RXRA: variants seen among roughly 807,000 people sequenced by gnomAD.
RXRA encodes the protein retinoid X receptor alpha.
RXRA carries 5 observed loss-of-function variants against 44.5 expected under a neutral mutation model. The observed-to-expected ratio is 0.11, with a 90% confidence interval of 0.06 to 0.24. The LOEUF is 0.24. Ranked by LOEUF, RXRA falls within the 10% of genes least tolerant of loss-of-function variation. RXRA has a pLI of 1.00. For missense variants in RXRA, 412 were observed against 646.5 expected, an observed-to-expected ratio of 0.64 and a Z score of 3.93; for synonymous variants, 291 against 271.4, an observed-to-expected ratio of 1.07 and a Z score of -0.71.
At chr9:134,414,014 C>A (rs140865449) in intron 4 of RXRA, among the ~76,000 whole-genome samples, 1 of 152,314 alleles carries the variant, frequency 6.6e-6, no homozygotes, top group Non-Finnish European at 1.5e-5. Flanking sequence ...ACCTCCCGCC[C>A]GGCCTCCGGC....
intron 2 of RXRA, 144 bp from the exon 3 acceptor site, chr9:134,408,005 G>A (rs1031196079): frequency 1.2e-5 from 7 of 585,612 alleles, no homozygotes; most frequent in African/African-American, 9.6e-5. Flanking sequence ...GCAGCGTGGC[G>A]GGTGGGGGGC....
chr9:134,334,023 C>A lies in RXRA; in HGVS notation c.28+7364C>A, dbSNP rs540269120. Among the ~76,000 whole-genome samples, 4 of 152,372 alleles carry A rather than the reference C, an allele frequency of 2.6e-5. No homozygotes were observed. In the South Asian group the frequency reaches 6.2e-4, roughly 24 times the overall value. ...GCAGCTTTGGACTTGGTGCCCAGAG[C>A]CTGCATTCAGCTCCCGCTGGCAAGC... On this transcript the variant is annotated intron_variant, in intron 1 of 9. Transcript: ENST00000481739.
chr9:134,412,129 G>A (rs965621456), intron 4 of RXRA, among the ~76,000 whole-genome samples: 1 of 152,216 alleles, frequency 6.6e-6, no homozygotes, highest in African/African-American at 2.4e-5. Flanking sequence ...CGGAGGGCAG[G>A]GCTGTTGGCT....
intron 6 of RXRA, among the ~76,000 whole-genome samples, chr9:134,427,498 C>G (rs982092874): frequency 6.6e-6 from 1 of 152,222 alleles, no homozygotes; most frequent in African/African-American, 2.4e-5. Flanking sequence ...GCACAGACCC[C>G]ACCGTTCCTC....
chr9:134,354,074 G>T (rs1301149158), intron 1 of RXRA, among the ~76,000 whole-genome samples: 2 of 152,190 alleles, frequency 1.3e-5, no homozygotes, highest in Non-Finnish European at 2.9e-5. Context: ...TAACACTTAG[G>T]TCCATGCCTG....
chr9:134,391,217 C>G (rs554974189), intron 1 of RXRA, among the ~76,000 whole-genome samples: 2 of 152,146 alleles, frequency 1.3e-5, no homozygotes, highest in Non-Finnish European at 2.9e-5. Flanking sequence ...ACTGAACCAT[C>G]GTGTTGGCCT....
At position 134,333,136 on chromosome 9, in the gene RXRA, A is replaced by G. The variant is rs75238643; in HGVS notation, c.28+6477A>G. On this transcript the variant is annotated intron_variant, in intron 1 of 9. Transcript: ENST00000481739. ...ATGCTGAGACCATGGAGGGGACCAGACTTTGGGGCTGGGGAGTGGGACATT... is the reference window on the plus strand; with the variant it reads ...ATGCTGAGACCATGGAGGGGACCAGGCTTTGGGGCTGGGGAGTGGGACATT... 4.3e-3 allele frequency among the ~76,000 whole-genome samples: 649 copies of G among 152,196 alleles called. 4 individuals carry two copies. Among genetic ancestry groups the G allele is most frequent in the Non-Finnish European group, 6.8e-3 (463 of 67,968 alleles).
intron 1 of RXRA, among the ~76,000 whole-genome samples, chr9:134,348,447 C>T (rs1425296951): frequency 6.6e-6 from 1 of 152,188 alleles, no homozygotes; most frequent in Non-Finnish European, 1.5e-5. Flanking sequence ...CTGAGAGGGT[C>T]CCTGTAGCCC....
intron 1 of RXRA, among the ~76,000 whole-genome samples, chr9:134,389,607 G>T (rs1207851309): frequency 6.6e-6 from 1 of 152,174 alleles, no homozygotes; most frequent in Non-Finnish European, 1.5e-5. Flanking sequence ...TGGACATTCT[G>T]CCAAGTGACC....
At chr9:134,327,098 T>A (rs1270281277) in intron 1 of RXRA, among the ~76,000 whole-genome samples, 6 of 151,916 alleles carry the variant, frequency 3.9e-5, no homozygotes, top group African/African-American at 1.4e-4. Flanking sequence ...CGCCCGCCCG[T>A]CGGGCTGCGG....
intron 1 of RXRA, chr9:134,380,230 G>A (rs1307923592): frequency 4.1e-6 from 4 of 973,598 alleles, no homozygotes; most frequent in South Asian, 4.7e-5. Context: ...CGTGAGTCAC[G>A]CCGATCCCAG....
chr9:134,434,778 T>G (rs1198649636), intron 9 of RXRA, among the ~76,000 whole-genome samples: 1 of 149,786 alleles, frequency 6.7e-6, no homozygotes, highest in African/African-American at 2.5e-5. Context: ...GATCCCTGCC[T>G]GGGATTCAAA....
Position 134,426,627 on chromosome 9 carries a change from C to T in RXRA, c.911-2481C>T. The stretch of plus-strand genomic sequence containing the variant: ...GACCCCAGCCGTGCACTAGGCCCCT[C>T]TGCTGGGCACACCAGAGTTTCAGAG... On this transcript the variant is annotated intron_variant, in intron 6 of 9. Coordinates refer to ENST00000481739, the MANE Select transcript of RXRA (RefSeq NM_002957.6). The surrounding 1 kb of genome is among the most constrained non-coding windows in gnomAD (Gnocchi z 4.6). 3 of 985,454 alleles carry T rather than the reference C, an allele frequency of 3.0e-6. No individual in the cohort carries two copies. The highest frequency in any genetic ancestry group is 4.7e-5 in the South Asian group (1 of 21,290). 61.0% of individuals were successfully genotyped at this position (985,454 alleles called of 1,614,324 possible). A position where few individuals can be genotyped will look rare whatever the true frequency, so the allele number is the denominator to read the frequency against.
At chr9:134,363,584 C>G (rs893513357) in intron 1 of RXRA, among the ~76,000 whole-genome samples, 18 of 152,224 alleles carry the variant, frequency 1.2e-4, no homozygotes, top group African/African-American at 3.9e-4. Flanking sequence ...AGGGAGGCCC[C>G]AAGGGGTGCA....
intron 1 of RXRA, among the ~76,000 whole-genome samples, chr9:134,391,184 C>A (rs1830793960): frequency 1.3e-5 from 2 of 152,178 alleles, no homozygotes; most frequent in Non-Finnish European, 2.9e-5. Context: ...GCATCCTCTG[C>A]CCTGATCATT....
chr9:134,415,976 C>G (rs1440347363), intron 4 of RXRA, among the ~76,000 whole-genome samples: 1 of 152,160 alleles, frequency 6.6e-6, no homozygotes, highest in Non-Finnish European at 1.5e-5. Context: ...ATGTGAGTGC[C>G]CGCCCTGTGG....
At chr9:134,408,034 G>A (rs750272241) in intron 2 of RXRA, 115 bp from the exon 3 acceptor site, 52 of 755,808 alleles carry the variant, frequency 6.9e-5, no homozygotes, top group Middle Eastern at 5.1e-4. Context: ...CTCTAGCCTC[G>A]GTGTCTGTGT....
chr9:134,375,597 C>T (rs898285541), intron 1 of RXRA, among the ~76,000 whole-genome samples: 3 of 152,074 alleles, frequency 2.0e-5, no homozygotes, highest in Non-Finnish European at 2.9e-5. Flanking sequence ...CTGGGTTGGC[C>T]GTCTAGTTTT....
rs1206442878 is a variant in RXRA, at chr9:134,408,971, G to T, written c.462G>T (p.Gly154=). Residue 154 remains glycine, a synonymous_variant, in exon 4 of 10, where the codon GGG becomes GGT. Transcript: ENST00000481739. ...ACTATGGAGTGTACAGCTGCGAGGG[G>T]TGCAAGGGCTTCTTCAAGCGGACGG... is the stretch of plus-strand genomic sequence containing the variant. The part of the protein sequence containing the change: ...GKHYGVYSCE[G]CKGFFKRTVR... The T allele has an allele frequency of 6.2e-7, 1 of 1,604,926 alleles. No individual in the cohort carries two copies.
Sources: gnomAD v4.1 joint callset for allele counts (sites outside exome capture counted in the v4.1 genomes callset) on GRCh38, gnomAD v4.1.1 for gene constraint, Gnocchi (gnomAD v3.1) non-coding constraint, MANE v1.5 for transcripts, NCBI Gene and HGNC (gene_info 2026-07-23, HGNC 2026-07-21) for gene names.